ST6GAL2: variants seen among roughly 807,000 people sequenced by gnomAD.
ST6GAL2 encodes the protein beta-galactoside alpha-2,6-sialyltransferase 2.
In ST6GAL2, 24 loss-of-function variants were observed where a neutral mutation model predicts 37.5. That is an observed-to-expected ratio of 0.64 (90% CI 0.46 to 0.90). The LOEUF (loss-of-function observed/expected upper bound fraction) is 0.90, where lower values mean the gene tolerates loss of function less well. ST6GAL2 is among the 40% of genes least tolerant of loss of function. The pLI, the probability that ST6GAL2 is intolerant of heterozygous loss-of-function variation, is 0.00. For synonymous variants in ST6GAL2, 306 were observed against 295.1 expected, an observed-to-expected ratio of 1.04 and a Z score of -0.38; for missense variants, 715 against 712.7, an observed-to-expected ratio of 1.00 and a Z score of -0.04.
At chr2:106,871,777 C>G (rs1678281353) in intron 1 of ST6GAL2, among the ~76,000 whole-genome samples, 1 of 152,172 alleles carries the variant, frequency 6.6e-6, no homozygotes, top group African/African-American at 2.4e-5. Flanking sequence ...CTGCCATCAC[C>G]TATGAAAGCA....
intron 5 of ST6GAL2, among the ~76,000 whole-genome samples, chr2:106,824,418 G>T (rs2104448814): frequency 6.6e-6 from 1 of 152,268 alleles, no homozygotes; most frequent in East Asian, 1.9e-4. Flanking sequence ...TGTTCAGGAG[G>T]TCAGGAGATC....
intron 2 of ST6GAL2, among the ~76,000 whole-genome samples, chr2:106,840,641 A>T (rs1032123629): frequency 1.3e-5 from 2 of 152,238 alleles, no homozygotes; most frequent in African/African-American, 2.4e-5. Context: ...CAAATAAATT[A>T]GATTTGGATA....
In ST6GAL2 at chr2:106,806,982, A is replaced by G. The variant is rs762613405; in HGVS notation, c.1319-33T>C. 3.8e-6 allele frequency: 6 copies of G among 1,577,514 alleles called. No individual in the cohort carries two copies. The South Asian group carries it at 5.8e-5, about 15-fold the overall frequency. On this transcript the variant is annotated intron_variant, in intron 5 of 5. Coordinates refer to ENST00000409382, the MANE Select transcript of ST6GAL2 (RefSeq NM_001142351.2). ...GAAAACCAAAAATTAGAACCTAATG[A>G]ACAACTCCATGTGAGAGGGATGAGT...
intron 1 of ST6GAL2, among the ~76,000 whole-genome samples, chr2:106,877,079 T>A (rs1678536029): frequency 6.6e-6 from 1 of 152,208 alleles, no homozygotes; most frequent in Non-Finnish European, 1.5e-5. Flanking sequence ...CATGCAGAGA[T>A]GTTCATTTGA....
intron 2 of ST6GAL2, among the ~76,000 whole-genome samples, chr2:106,838,881 C>T (rs1676753427): frequency 1.3e-5 from 2 of 151,904 alleles, no homozygotes; most frequent in Non-Finnish European, 1.5e-5. Flanking sequence ...ACTAAAAACA[C>T]AAAAATTAGC....
intron 1 of ST6GAL2, among the ~76,000 whole-genome samples, chr2:106,871,898 T>C (rs1432193492): frequency 1.3e-5 from 2 of 152,238 alleles, no homozygotes; most frequent in East Asian, 1.9e-4. Context: ...AGAAGTATAG[T>C]ACAGTAAAAT....
At chr2:106,866,596 C>T (rs996376810) in intron 1 of ST6GAL2, among the ~76,000 whole-genome samples, 1 of 152,162 alleles carries the variant, frequency 6.6e-6, no homozygotes, top group Non-Finnish European at 1.5e-5. Flanking sequence ...CTGTCAGAAC[C>T]AGAACTAGCT....
intron 2 of ST6GAL2, among the ~76,000 whole-genome samples, chr2:106,838,538 G>A (rs951016780): frequency 6.6e-6 from 1 of 152,192 alleles, no homozygotes; most frequent in Non-Finnish European, 1.5e-5. Flanking sequence ...TCCAGGCTCT[G>A]GAGTGATCTC....
chr2:106,861,301 T>C (rs944181097), intron 1 of ST6GAL2, among the ~76,000 whole-genome samples: 1 of 152,212 alleles, frequency 6.6e-6, no homozygotes, highest in Non-Finnish European at 1.5e-5. Context: ...CCTTTTTCCT[T>C]ACTGCCCTAA....
intron 5 of ST6GAL2, among the ~76,000 whole-genome samples, chr2:106,811,461 T>C (rs1279535202): frequency 3.3e-5 from 5 of 152,118 alleles, no homozygotes; most frequent in Admixed American, 6.5e-5. Flanking sequence ...CCTCCTCAAT[T>C]AAATTCAACA....
chr2:106,855,659 T>C (rs17281796), intron 1 of ST6GAL2, among the ~76,000 whole-genome samples: 15,639 of 152,158 alleles, frequency 0.1, 1,000 homozygotes, highest in Admixed American at 0.12. Flanking sequence ...GTACATAAAC[T>C]CTTATTATAT....
intron 5 of ST6GAL2, chr2:106,813,327 A>G: frequency 1.5e-6 from 1 of 685,946 alleles, no homozygotes; most frequent in Non-Finnish European, 2.1e-6. Flanking sequence ...TAAACATCAT[A>G]TAACGCAAGA....
In ST6GAL2 at chr2:106,843,111, G is replaced by T. The variant is rs139995152; in HGVS notation, c.867C>A (p.His289Gln). 1.9e-6 allele frequency: 3 copies of T among 1,561,900 alleles called. No individual in the cohort carries two copies. Among genetic ancestry groups the T allele is most frequent in the South Asian group, 1.2e-5 (1 of 84,292 alleles). The part of the protein sequence containing the change: ...LVPAVPLSQL[H>Q]PRGLRSCAVV... ...CAGCGCAGCTGCGCAGGCCGCGGGG[G>T]TGCAGCTGGCTCAGGGGCACGGCGG... The change falls in exon 2 of 6, where the codon CAC becomes CAA. Residue 289 changes from histidine to glutamine, a missense_variant. His to Gln is a conservative substitution (Grantham distance 24, BLOSUM62 0). Coordinates refer to ENST00000409382, the MANE Select transcript of ST6GAL2 (RefSeq NM_001142351.2).
rs147833813 is a variant in ST6GAL2 at position 106,870,813 on chromosome 2, A to C, written c.-58+15280T>G. On this transcript the variant is annotated intron_variant, in intron 1 of 5. Coordinates refer to ENST00000409382, the MANE Select transcript of ST6GAL2 (RefSeq NM_001142351.2). ...TATAATTAAAAAGTGCAGAGAAACC[A>C]ACCAGCAATGTAAACCCTATTAAGA... Among the ~76,000 whole-genome samples the C allele has an allele frequency of 2.7e-3, 407 of 152,326 alleles. 1 individual carries two copies. The highest frequency in any genetic ancestry group is 9.0e-3 in the African/African-American group (375 of 41,574).
intron 5 of ST6GAL2, among the ~76,000 whole-genome samples, chr2:106,821,396 G>C (rs934723776): frequency 6.6e-6 from 1 of 150,508 alleles, no homozygotes; most frequent in South Asian, 2.1e-4. Context: ...TATATTAATA[G>C]TATATAATAA....
chr2:106,838,892 C>A (rs1224346513), intron 2 of ST6GAL2, among the ~76,000 whole-genome samples: 1 of 151,842 alleles, frequency 6.6e-6, no homozygotes, highest in African/African-American at 2.4e-5. Flanking sequence ...AAAAATTAGC[C>A]GGGTATGGTG....
chr2:106,843,438 C>G lies in ST6GAL2; in HGVS notation c.540G>C (p.Gln180His), dbSNP rs754602069. The stretch of plus-strand genomic sequence containing the variant: ...CCTCCTCCAACACGTGGCTCCTTCT[C>G]TGCCTCCGGTGCCTCTTCTTCACCC... ...RRRVKKRHRR[Q>H]RRSHVLEEGD... Residue 180 changes from glutamine to histidine, a missense_variant, in exon 2 of 6, where the codon CAG becomes CAC. Gln to His is a conservative substitution (Grantham distance 24). Around this residue, in one of 3 missense-constraint regions of ST6GAL2, gnomAD observed 512 missense variants for 488.8 expected, o/e 1.05. Coordinates refer to ENST00000409382, the MANE Select transcript of ST6GAL2 (RefSeq NM_001142351.2). 6.2e-7 allele frequency: 1 copy of G among 1,614,166 alleles called. No homozygotes were observed. Among genetic ancestry groups the G allele is most frequent in the Non-Finnish European group, 8.5e-7 (1 of 1,180,026 alleles).
chr2:106,837,153 A>G (rs1240983162), intron 2 of ST6GAL2, among the ~76,000 whole-genome samples: 1 of 152,172 alleles, frequency 6.6e-6, no homozygotes, highest in Non-Finnish European at 1.5e-5. Flanking sequence ...CCAAGTCTGA[A>G]TAATTAACGT....
chr2:106,882,361 C>A (rs1025544721), intron 1 of ST6GAL2, among the ~76,000 whole-genome samples: 13 of 152,326 alleles, frequency 8.5e-5, no homozygotes, highest in African/African-American at 3.1e-4. Flanking sequence ...TCTGCCAAGG[C>A]ACTTTACCTT....
Sources: allele counts gnomAD v4.1 joint callset (sites outside exome capture counted in the v4.1 genomes callset), GRCh38; gene constraint gnomAD v4.1.1; regional missense constraint gnomAD v4.1.1; transcripts MANE v1.5; gene names NCBI Gene and HGNC (gene_info 2026-07-23, HGNC 2026-07-21).